The following OSBPL11 variants were observed in gnomAD, a reference collection of about 807,000 sequenced individuals.
OSBPL11 encodes oxysterol binding protein like 11.
OSBPL11 carries 33 observed loss-of-function variants against 84.4 expected under a neutral mutation model. The observed-to-expected ratio is 0.39, with a 90% confidence interval of 0.30 to 0.52. OSBPL11 has a LOEUF of 0.52. OSBPL11 is among the 20% of genes least tolerant of loss of function. OSBPL11 has a pLI of 0.72. For synonymous variants in OSBPL11, 276 were observed against 310.2 expected (o/e 0.89, Z 1.16); for missense variants, 736 against 901.1 (o/e 0.82, Z 2.35).
intron 11 of OSBPL11, among the ~76,000 whole-genome samples, chr3:125,537,238 G>T (rs1040856865): frequency 1.1e-4 from 16 of 151,700 alleles, no homozygotes; most frequent in African/African-American, 3.9e-4. Flanking sequence ...CTTTTTCAAG[G>T]ACATCTTAAG....
intron 9 of OSBPL11, among the ~76,000 whole-genome samples, chr3:125,551,148 A>T (rs1369713755): frequency 6.7e-6 from 1 of 148,632 alleles, no homozygotes; most frequent in Non-Finnish European, 1.5e-5. Flanking sequence ...TGGGCAACAG[A>T]GCAAGACCCT....
At position 125,538,596 on chromosome 3, in the gene OSBPL11, C is replaced by T. The variant is rs566087835; in HGVS notation, c.1879G>A (p.Val627Met). 1 of 1,612,460 alleles carries T rather than the reference C, an allele frequency of 6.2e-7. No homozygotes were observed. Among genetic ancestry groups the T allele is most frequent in the Non-Finnish European group, 8.5e-7 (1 of 1,179,380 alleles). The part of the protein sequence containing the change: ...AEVKHNITNT[V>M]VCRVQGEWNS... ...CATTCCCCTTGCACTCTGCATACCA[C>T]AGTGTTGGTGATGTTGTGCTTTACT... Residue 627 changes from valine (V) to methionine (M), a missense_variant, in exon 11 of 13, where the codon GTG (valine) becomes ATG (methionine). Val to Met is a conservative substitution (Grantham distance 21, BLOSUM62 1). Coordinates refer to ENST00000296220, the MANE Select transcript of OSBPL11 (RefSeq NM_022776.5).
rs781271023 is a variant in OSBPL11 at position 125,582,995 on chromosome 3, A to C, written c.165-17T>G. The C allele has an allele frequency of 2.6e-6, 4 of 1,558,164 alleles. No homozygotes were observed. The African/African-American group carries it at 5.6e-5, about 22-fold the overall frequency. On this transcript the variant is annotated splice_polypyrimidine_tract_variant and intron_variant, in intron 1 of 12. Coordinates refer to ENST00000296220, the MANE Select transcript of OSBPL11 (RefSeq NM_022776.5). ...ATGTGATCACTATTTCAAAATGAAA[A>C]AGCCAAAGTTAGTAAAAATTAGAAG...
intron 2 of OSBPL11, 49 bp downstream of exon 2, chr3:125,582,861 T>C: frequency 7.7e-7 from 1 of 1,304,466 alleles, no homozygotes; most frequent in South Asian, 1.3e-5. Context: ...TTGGGCCCTA[T>C]TCCTGCTCTC....
chr3:125,568,712 A>G (rs77302400), intron 5 of OSBPL11, among the ~76,000 whole-genome samples: 6,932 of 152,280 alleles, frequency 0.046, 226 homozygotes, highest in Non-Finnish European at 0.066. Flanking sequence ...AGATTTTAAT[A>G]CACTCTGCTT....
At chr3:125,573,297 T>A (rs1016093029) in intron 5 of OSBPL11, among the ~76,000 whole-genome samples, 5 of 152,096 alleles carry the variant, frequency 3.3e-5, no homozygotes, top group African/African-American at 1.2e-4. Flanking sequence ...TAGGAGTATA[T>A]CACTCAGGTG....
At chr3:125,556,903 A>G (rs2107597685) in intron 8 of OSBPL11, among the ~76,000 whole-genome samples, 1 of 152,356 alleles carries the variant, frequency 6.6e-6, no homozygotes, top group African/African-American at 2.4e-5. Context: ...GTGTTCTACA[A>G]CTTAATGTCA....
intron 1 of OSBPL11, among the ~76,000 whole-genome samples, chr3:125,586,624 T>C (rs1936515177): frequency 6.6e-6 from 1 of 152,114 alleles, no homozygotes; most frequent in Admixed American, 6.6e-5. Flanking sequence ...GTGATTCTCC[T>C]GCCTCAGCCT....
At chr3:125,591,285 A>G (rs2107614909) in intron 1 of OSBPL11, among the ~76,000 whole-genome samples, 1 of 152,328 alleles carries the variant, frequency 6.6e-6, no homozygotes, top group Admixed American at 6.5e-5. Flanking sequence ...AAATCCCAAT[A>G]ATCCCCACCT....
Position 125,534,951 on chromosome 3 carries a change from G to GAAAAAAAA in OSBPL11, c.2025-2945_2025-2938dup, listed in dbSNP as rs56164804. ...CCTAAGCTTCCATTGTAAGAAATTA[G>GAAAAAAAA]AAAAAAAAAAAAAAAAAAAAAAAAA... On this transcript the variant is annotated intron_variant, in intron 11 of 12. Transcript: ENST00000296220. Among the ~76,000 whole-genome samples the GAAAAAAAA allele has an allele frequency of 6.7e-4, 43 of 64,652 alleles. 2 individuals carry two copies. Among genetic ancestry groups the GAAAAAAAA allele is most frequent in the African/African-American group, 1.5e-3 (20 of 13,300 alleles). The allele number at this position is 64,652 out of a possible 152,430, so 42.4% of individuals were successfully genotyped here. A position where few individuals can be genotyped will look rare whatever the true frequency, so the allele number is the denominator to read the frequency against.
chr3:125,589,146 C>G (rs1426434097), intron 1 of OSBPL11, among the ~76,000 whole-genome samples: 1 of 151,902 alleles, frequency 6.6e-6, no homozygotes, highest in African/African-American at 2.4e-5. Flanking sequence ...GTCAGGAGTT[C>G]GAAATCAGCC....
At chr3:125,569,299 A>T (rs974710923) in intron 5 of OSBPL11, among the ~76,000 whole-genome samples, 3 of 152,078 alleles carry the variant, frequency 2.0e-5, no homozygotes, top group Non-Finnish European at 4.4e-5. Flanking sequence ...AGGTGTACAA[A>T]ATGATCCTAC....
chr3:125,579,022 G>A lies in OSBPL11; in HGVS notation c.427C>T (p.Arg143Ter), dbSNP rs1936377746. ...YKLRATDAKE[R>*]QHWVSRLQIC... is the part of the protein sequence containing the mutation. ...TGAAGTCTGCTAACCCAGTGCTGTC[G>A]CTCTTTTGCATCTGTAGCTGTTAAA... Residue 143 changes from arginine to a stop codon, truncating the protein, a stop_gained, in exon 4 of 13, where the codon CGA becomes TGA. Coordinates refer to ENST00000296220, the MANE Select transcript of OSBPL11 (RefSeq NM_022776.5). LOFTEE classifies it high-confidence loss of function. 1 of 1,590,922 alleles carries A rather than the reference G, an allele frequency of 6.3e-7. No homozygotes were observed. Among genetic ancestry groups the A allele is most frequent in the Non-Finnish European group, 8.6e-7 (1 of 1,167,996 alleles).
In OSBPL11 at chr3:125,594,675, G is replaced by T; in HGVS notation, c.126C>A (p.Ser42Arg). Residue 42 changes from serine (S) to arginine (R), a missense_variant, in exon 1 of 13, where the codon AGC (serine) becomes AGA (arginine). Physicochemically the swap from Ser to Arg is moderately radical, Grantham distance 110. This residue lies in a region of OSBPL11 where 114 missense variants were observed against 104.9 expected (regional missense o/e 1.09). Transcript: ENST00000296220. ...CTTTTGCACTGCCACCGCGGCTGCTGCTGCTGCTACTGATTCCACCTCCAC... is the reference window on the plus strand; with the variant it reads ...CTTTTGCACTGCCACCGCGGCTGCTTCTGCTGCTACTGATTCCACCTCCAC... ...SSCGGGISSS[S>R]SSRGGSAKGW... 1.2e-6 allele frequency: 2 copies of T among 1,614,006 alleles called. No homozygotes were observed. The highest frequency in any genetic ancestry group is 1.1e-5 in the South Asian group (1 of 91,072).
At position 125,529,257 on chromosome 3, in the gene OSBPL11, TA is replaced by T. The variant is rs1026624894; in HGVS notation, c.*1257del. The T allele has an allele frequency of 5.0e-4, 76 of 152,596 alleles. No homozygotes were observed. The highest frequency in any genetic ancestry group is 1.8e-3 in the African/African-American group (75 of 41,578). 9.5% of individuals were successfully genotyped at this position (152,596 alleles called of 1,614,324 possible). A position where few individuals can be genotyped will look rare whatever the true frequency, so the allele number is the denominator to read the frequency against. ...CAGTAACAAGTGTTGAGCACCATAA[TA>T]AGTAGGTGCTCAATAAATACATGAA... On this transcript the variant is annotated 3_prime_UTR_variant, in exon 13 of 13. Coordinates refer to ENST00000296220, the MANE Select transcript of OSBPL11 (RefSeq NM_022776.5).
intron 8 of OSBPL11, among the ~76,000 whole-genome samples, chr3:125,554,854 C>G (rs1935966292): frequency 6.6e-6 from 1 of 151,768 alleles, no homozygotes; most frequent in Non-Finnish European, 1.5e-5. Context: ...AAAGACCAGA[C>G]CAGGAAGTTC....
intron 10 of OSBPL11, among the ~76,000 whole-genome samples, chr3:125,543,200 C>T (rs376422207): frequency 5.8e-5 from 8 of 138,430 alleles, no homozygotes; most frequent in Non-Finnish European, 6.0e-5. Flanking sequence ...GGTGCAATAT[C>T]GGCTCACTGC....
chr3:125,567,790 C>T (rs747092835), intron 5 of OSBPL11, among the ~76,000 whole-genome samples, 195 bp from the exon 6 acceptor site: 64 of 151,802 alleles, frequency 4.2e-4, no homozygotes, highest in Admixed American at 8.5e-4. Context: ...CCCAGGAGTT[C>T]AAGACCAGCC....
chr3:125,530,913 G>T (rs1340961433), intron 12 of OSBPL11, among the ~76,000 whole-genome samples: 1 of 152,090 alleles, frequency 6.6e-6, no homozygotes, highest in East Asian at 1.9e-4. Flanking sequence ...GGAGTACAGA[G>T]AAATGATCGG....
Sources: gnomAD v4.1 joint callset for allele counts (sites outside exome capture counted in the v4.1 genomes callset) on GRCh38, gnomAD v4.1.1 for gene constraint, gnomAD v4.1.1 regional missense constraint, MANE v1.5 for transcripts, NCBI Gene and HGNC (gene_info 2026-07-23, HGNC 2026-07-21) for gene names.